HPSE2: variants seen among roughly 807,000 people sequenced by gnomAD.
HPSE2 encodes the protein inactive heparanase-2.
Under a neutral mutation model 60.5 loss-of-function variants are expected in HPSE2, and 38 were observed. That is an observed-to-expected ratio of 0.63 (90% CI 0.48 to 0.82). The LOEUF (loss-of-function observed/expected upper bound fraction) is 0.82. Ranked by LOEUF, HPSE2 falls within the 40% of genes least tolerant of loss-of-function variation. HPSE2 has a pLI of 0.00. For missense variants in HPSE2, 713 were observed against 740.4 expected, an observed-to-expected ratio of 0.96 and a Z score of 0.43; for synonymous variants, 295 against 293.2, an observed-to-expected ratio of 1.01 and a Z score of -0.06.
At chr10:99,137,745 A>G (rs1198777107) in intron 3 of HPSE2, among the ~76,000 whole-genome samples, 1 of 152,242 alleles carries the variant, frequency 6.6e-6, no homozygotes, top group East Asian at 1.9e-4. Context: ...TCAACTCAAG[A>G]TGGAACAAAT....
intron 3 of HPSE2, among the ~76,000 whole-genome samples, chr10:98,942,107 G>C (rs1955025484): frequency 7.1e-6 from 1 of 140,838 alleles, no homozygotes; most frequent in African/African-American, 2.9e-5. Context: ...TTAAACATTA[G>C]ACCTAAAACC....
At chr10:98,728,163 A>G (rs1949136896) in intron 4 of HPSE2, among the ~76,000 whole-genome samples, 1 of 152,234 alleles carries the variant, frequency 6.6e-6, no homozygotes. Flanking sequence ...AAAAATATTC[A>G]TTACTCTTTT....
At chr10:99,105,543 T>C (rs529533013) in intron 3 of HPSE2, among the ~76,000 whole-genome samples, 12 of 151,946 alleles carry the variant, frequency 7.9e-5, no homozygotes, top group African/African-American at 2.9e-4. Flanking sequence ...TTACCAGATA[T>C]ATAATATGCA....
At chr10:99,305,310 G>A in the HPSE2 span, among the ~76,000 whole-genome samples, 1 of 152,174 alleles carries the variant, frequency 6.6e-6, no homozygotes, top group Non-Finnish European at 1.5e-5. Flanking sequence ...TTTCCACAGA[G>A]CCTTGGTTCT....
At chr10:98,489,395 CAA>C (rs1424323425) in intron 10 of HPSE2, among the ~76,000 whole-genome samples, 2 of 152,190 alleles carry the variant, frequency 1.3e-5, no homozygotes, top group Non-Finnish European at 2.9e-5. Context: ...TTCTTCAGAT[CAA>C]AAAGAGGATA....
At chr10:98,564,402 A>AGAGAAC (rs1270777803) in intron 9 of HPSE2, among the ~76,000 whole-genome samples, 3 of 152,216 alleles carry the variant, frequency 2.0e-5, no homozygotes. Context: ...TAGTATTTGC[A>AGAGAAC]GAGAACATGG....
chr10:99,180,488 C>T (rs188349209), intron 2 of HPSE2, among the ~76,000 whole-genome samples: 1 of 152,072 alleles, frequency 6.6e-6, no homozygotes, highest in Admixed American at 6.5e-5. Context: ...ATGCAGCCAA[C>T]AAACATATGA....
At chr10:98,882,466 C>T (rs1953050535) in intron 3 of HPSE2, among the ~76,000 whole-genome samples, 1 of 151,928 alleles carries the variant, frequency 6.6e-6, no homozygotes, top group African/African-American at 2.4e-5. Flanking sequence ...GGCTTGGCTT[C>T]AGATTGTAAA....
chr10:99,172,530 T>G (rs908226900), intron 2 of HPSE2, among the ~76,000 whole-genome samples: 5 of 152,222 alleles, frequency 3.3e-5, no homozygotes, highest in African/African-American at 1.2e-4. Flanking sequence ...TGGTCCTATC[T>G]ACCCTCAAGG....
intron 9 of HPSE2, among the ~76,000 whole-genome samples, chr10:98,571,940 C>CTTT (rs1554943112): frequency 1.4e-5 from 2 of 140,730 alleles, no homozygotes; most frequent in African/African-American, 2.7e-5. Flanking sequence ...AATTCCTTTT[C>CTTT]TTTTTTTTTT....
chr10:99,084,430 C>T (rs1414177322), intron 3 of HPSE2, among the ~76,000 whole-genome samples: 1 of 152,120 alleles, frequency 6.6e-6, no homozygotes, highest in African/African-American at 2.4e-5. Context: ...TCACAAGGTG[C>T]ACATTTGTTC....
chr10:99,100,362 C>T (rs1470335852), intron 3 of HPSE2, among the ~76,000 whole-genome samples: 1 of 152,042 alleles, frequency 6.6e-6, no homozygotes, highest in African/African-American at 2.4e-5. Context: ...CTTCAGTACC[C>T]AACTCGATCA....
intron 6 of HPSE2, among the ~76,000 whole-genome samples, chr10:98,667,468 A>G (rs1947395111): frequency 6.6e-6 from 1 of 152,216 alleles, no homozygotes; most frequent in Non-Finnish European, 1.5e-5. Flanking sequence ...TGGCAGAGAC[A>G]CAATGAAAAA....
intron 9 of HPSE2, among the ~76,000 whole-genome samples, chr10:98,494,475 T>A (rs1941765399): frequency 6.6e-6 from 1 of 152,212 alleles, no homozygotes; most frequent in Non-Finnish European, 1.5e-5. Context: ...CTTGGACCAA[T>A]ATAAGCATGC....
In HPSE2 at chr10:99,235,824, T is replaced by A; in HGVS notation, c.-22A>T. 1.2e-6 allele frequency: 2 copies of A among 1,607,076 alleles called. No individual in the cohort carries two copies. Among genetic ancestry groups the A allele is most frequent in the Non-Finnish European group, 1.7e-6 (2 of 1,175,288 alleles). On this transcript the variant is annotated 5_prime_UTR_variant, in exon 1 of 12. Coordinates refer to ENST00000370552, the MANE Select transcript of HPSE2 (RefSeq NM_021828.5). The stretch of plus-strand genomic sequence containing the variant: ...TCATTCAATCCCTCTGATTTAAACC[T>A]CTCTTCCTACTGGGTCTCGCTAGTG...
At chr10:98,795,670 T>C (rs1027299033) in intron 3 of HPSE2, among the ~76,000 whole-genome samples, 2 of 152,180 alleles carry the variant, frequency 1.3e-5, no homozygotes, top group Non-Finnish European at 2.9e-5. Flanking sequence ...TCAGGTGACA[T>C]GTTACCTAGG....
intron 9 of HPSE2, among the ~76,000 whole-genome samples, chr10:98,498,644 G>A (rs1941931216): frequency 6.6e-6 from 1 of 152,078 alleles, no homozygotes; most frequent in Non-Finnish European, 1.5e-5. Context: ...TCCAAACCAA[G>A]AAGAAATCCC....
chr10:98,523,294 A>G (rs1942858872), intron 9 of HPSE2, among the ~76,000 whole-genome samples: 1 of 152,194 alleles, frequency 6.6e-6, no homozygotes, highest in African/African-American at 2.4e-5. Context: ...TTCATACACA[A>G]CTACTCAAAT....
At chr10:98,601,180 C>T (rs1040325474) in intron 9 of HPSE2, among the ~76,000 whole-genome samples, 1 of 151,872 alleles carries the variant, frequency 6.6e-6, no homozygotes, top group Admixed American at 6.6e-5. Context: ...AGGTCTTCAA[C>T]TGATTGGATG....
Sources: allele counts gnomAD v4.1 joint callset (sites outside exome capture counted in the v4.1 genomes callset), GRCh38; gene constraint gnomAD v4.1.1; transcripts MANE v1.5; gene names NCBI Gene and HGNC (gene_info 2026-07-23, HGNC 2026-07-21).